The following MAGI2 variants were observed in gnomAD, a reference collection of about 807,000 sequenced individuals.
MAGI2 encodes the protein membrane associated guanylate kinase, WW and PDZ domain containing 2.
In MAGI2, 35 loss-of-function variants were observed where a neutral mutation model predicts 133.3. The observed-to-expected ratio is 0.26, with a 90% CI of 0.20 to 0.35. The LOEUF is 0.35. Ranked by LOEUF, MAGI2 falls within the 10% of genes least tolerant of loss-of-function variation. The probability of loss-of-function intolerance (pLI) is 1.00; values close to 1 mark genes in which losing one functional copy is unlikely to be tolerated. For synonymous variants in MAGI2, 729 were observed against 710.6 expected (o/e 1.03, Z -0.41); for missense variants, 1,636 against 1,863.4 (o/e 0.88, Z 2.25).
At chr7:78,872,817 T>C (rs1289012321) in intron 2 of MAGI2, among the ~76,000 whole-genome samples, 1 of 151,196 alleles carries the variant, frequency 6.6e-6, no homozygotes, top group Non-Finnish European at 1.5e-5. Context: ...CTATTTTATG[T>C]TATGTTATGA....
chr7:78,974,003 C>T (rs1316947553), intron 2 of MAGI2, among the ~76,000 whole-genome samples: 4 of 151,692 alleles, frequency 2.6e-5, no homozygotes, highest in Admixed American at 6.6e-5. Flanking sequence ...CAGCATCTTC[C>T]CTTTCAATTT....
At chr7:78,134,543 A>T (rs1006629954) in intron 17 of MAGI2, 2 of 156,274 alleles carry the variant, frequency 1.3e-5, no homozygotes, top group African/African-American at 4.8e-5. Context: ...TGGGAATTTT[A>T]AATTCTTATC....
At chr7:78,723,100 T>C (rs1453168472) in intron 2 of MAGI2, among the ~76,000 whole-genome samples, 1 of 152,182 alleles carries the variant, frequency 6.6e-6, no homozygotes, top group African/African-American at 2.4e-5. Context: ...ATTGCAGTGA[T>C]CAAGGAAGCA....
intron 3 of MAGI2, among the ~76,000 whole-genome samples, chr7:78,605,277 G>C (rs1013885772): frequency 1.3e-5 from 2 of 152,200 alleles, no homozygotes; most frequent in African/African-American, 4.8e-5. Flanking sequence ...ATTGGCCTTG[G>C]TGATAAAATG....
At chr7:78,655,453 C>CAAAAAAAAAAAAAAA (rs1563304915) in intron 2 of MAGI2, among the ~76,000 whole-genome samples, 1 of 48,368 alleles carries the variant, frequency 2.1e-5, no homozygotes, top group Non-Finnish European at 4.4e-5. Flanking sequence ...AAAAAAACAA[C>CAAAAAAAAAAAAAAA]CAAAAAAAAA....
At position 78,804,748 on chromosome 7, in the gene MAGI2, C is replaced by CA. The variant is rs373472835; in HGVS notation, c.419-177510dup. ...TGGGCAACAGAGCGAGACTCTGTCTCAAAAAAAAAAAAAAAAAAAAAAAAC... is the reference window on the plus strand; with the variant it reads ...TGGGCAACAGAGCGAGACTCTGTCTCAAAAAAAAAAAAAAAAAAAAAAAAAC... On this transcript the variant is annotated intron_variant, in intron 2 of 21. Coordinates refer to ENST00000354212, the MANE Select transcript of MAGI2 (RefSeq NM_012301.4). Among the ~76,000 whole-genome samples, 228 of 97,670 alleles carry CA rather than the reference C, an allele frequency of 2.3e-3. 4 individuals are homozygous for CA. Among genetic ancestry groups the CA allele is most frequent in the African/African-American group, 7.0e-3 (149 of 21,154 alleles). The allele number at this position is 97,670 out of a possible 152,430, so 64.1% of individuals were successfully genotyped here.
intron 2 of MAGI2, among the ~76,000 whole-genome samples, chr7:78,646,406 T>C (rs1810900185): frequency 6.6e-6 from 1 of 152,168 alleles, no homozygotes; most frequent in Non-Finnish European, 1.5e-5. Context: ...AAATTGTATT[T>C]AGGAATATAG....
rs189001672 is a variant in MAGI2 at position 78,236,313 on chromosome 7, A to G, written c.2047+19630T>C. The stretch of plus-strand genomic sequence containing the variant: ...TGATGATAGGTTGCTTGAAAAGCCC[A>G]GACAGAAGACAGTCAGTAGAAAAAT... On this transcript the variant is annotated intron_variant, in intron 10 of 21. Coordinates refer to ENST00000354212, the MANE Select transcript of MAGI2 (RefSeq NM_012301.4). 7.2e-5 allele frequency among the ~76,000 whole-genome samples: 11 copies of G among 151,840 alleles called. No homozygotes were observed. In the East Asian group the frequency reaches 2.1e-3, roughly 29 times the overall value.
At chr7:78,424,931 C>A (rs1163149180) in intron 6 of MAGI2, among the ~76,000 whole-genome samples, 1 of 152,078 alleles carries the variant, frequency 6.6e-6, no homozygotes, top group Non-Finnish European at 1.5e-5. Context: ...AGACTTTGGA[C>A]TATGGACTTT....
chr7:78,129,214 A>G (rs1821297276), intron 18 of MAGI2, among the ~76,000 whole-genome samples: 1 of 149,836 alleles, frequency 6.7e-6, no homozygotes, highest in Admixed American at 6.6e-5. Flanking sequence ...GAGCAGATGA[A>G]ACTTTCAAAA....
chr7:78,784,484 T>G (rs1826646019), intron 2 of MAGI2, among the ~76,000 whole-genome samples: 1 of 152,198 alleles, frequency 6.6e-6, no homozygotes, highest in Non-Finnish European at 1.5e-5. Flanking sequence ...TCACTCTAAC[T>G]TTCCCCACCT....
At chr7:79,150,227 C>A (rs2129546904) in intron 1 of MAGI2, among the ~76,000 whole-genome samples, 1 of 150,120 alleles carries the variant, frequency 6.7e-6, no homozygotes, top group Non-Finnish European at 1.5e-5. Context: ...TGTACATTTT[C>A]TTTTCCTAAA....
At chr7:78,742,808 GA>G in intron 2 of MAGI2, among the ~76,000 whole-genome samples, 1 of 152,272 alleles carries the variant, frequency 6.6e-6, no homozygotes, top group African/African-American at 2.4e-5. Flanking sequence ...AATAAGGCTA[GA>G]AAAATCGATT....
intron 1 of MAGI2, among the ~76,000 whole-genome samples, chr7:79,155,819 C>A (rs1823722600): frequency 6.6e-6 from 1 of 152,026 alleles, no homozygotes. Context: ...AGTCAGAAGG[C>A]CCAGTGGGCC....
At chr7:78,856,853 T>C (rs957926027) in intron 2 of MAGI2, among the ~76,000 whole-genome samples, 1 of 152,190 alleles carries the variant, frequency 6.6e-6, no homozygotes, top group Admixed American at 6.5e-5. Context: ...AGTGTGGCCA[T>C]TTTCACAATA....
At chr7:78,394,988 C>T (rs1049515448) in intron 6 of MAGI2, among the ~76,000 whole-genome samples, 3 of 152,124 alleles carry the variant, frequency 2.0e-5, no homozygotes, top group South Asian at 2.1e-4. Context: ...GGATCTACAA[C>T]GAAGCTGGAT....
chr7:78,188,332 G>A (rs1015048485), intron 12 of MAGI2, among the ~76,000 whole-genome samples: 3 of 151,942 alleles, frequency 2.0e-5, no homozygotes, highest in Non-Finnish European at 4.4e-5. Context: ...TCAATATAAC[G>A]GCAAAGTAAT....
intron 1 of MAGI2, among the ~76,000 whole-genome samples, chr7:79,263,035 G>C (rs913957835): frequency 1.3e-5 from 2 of 151,920 alleles, no homozygotes; most frequent in African/African-American, 4.8e-5. Flanking sequence ...ATCATATCTT[G>C]GTCATTTCCA....
At chr7:78,944,084 A>T (rs1801205836) in intron 2 of MAGI2, among the ~76,000 whole-genome samples, 1 of 152,164 alleles carries the variant, frequency 6.6e-6, no homozygotes, top group Admixed American at 6.5e-5. Context: ...AAATTCCCAG[A>T]TGGAGAATAA....
Sources: allele counts gnomAD v4.1 joint callset (sites outside exome capture counted in the v4.1 genomes callset), GRCh38; gene constraint gnomAD v4.1.1; transcripts MANE v1.5; gene names NCBI Gene and HGNC (gene_info 2026-07-23, HGNC 2026-07-21).